RABGAP1L: variants seen among roughly 807,000 people sequenced by gnomAD.
RABGAP1L encodes the protein RAB GTPase activating protein 1 like, also known as rab GTPase-activating protein 1-like.
RABGAP1L carries 63 observed loss-of-function variants against 137.7 expected under a neutral mutation model. The ratio of observed to expected loss-of-function variants is 0.46; its 90% CI spans 0.37 to 0.56. The LOEUF (loss-of-function observed/expected upper bound fraction) is 0.56. Ranked by LOEUF, RABGAP1L falls within the 20% of genes least tolerant of loss-of-function variation. RABGAP1L has a pLI of 0.00. For synonymous variants in RABGAP1L, 431 were observed against 433.7 expected (o/e 0.99, Z 0.08); for missense variants, 1,095 against 1,244.0 (o/e 0.88, Z 1.80).
intron 13 of RABGAP1L, among the ~76,000 whole-genome samples, chr1:174,465,849 T>C (rs1169172158): frequency 6.6e-6 from 1 of 152,226 alleles, no homozygotes; most frequent in Non-Finnish European, 1.5e-5. Context: ...GATCTGCTAA[T>C]GTCCTCTGTG....
Position 174,342,099 on chromosome 1 carries a change from T to C in RABGAP1L, c.1466-28880T>C, listed in dbSNP as rs142911350. On this transcript the variant is annotated intron_variant, in intron 11 of 25. Coordinates refer to ENST00000681986, the MANE Select transcript of RABGAP1L (RefSeq NM_001366446.1). The stretch of plus-strand genomic sequence containing the variant: ...AAAAGATTGTCTAGATGCAGCATGC[T>C]AAAAGAGGGAGGTAAGAATGTTTAT... Among the ~76,000 whole-genome samples the C allele has an allele frequency of 5.6e-3, 857 of 152,256 alleles. 10 individuals are homozygous for C. The highest frequency in any genetic ancestry group is 0.019 in the African/African-American group (808 of 41,532).
At position 174,272,500 on chromosome 1, in the gene RABGAP1L, C is replaced by A. The variant is rs780221537; in HGVS notation, c.1053+20C>A. On this transcript the variant is annotated intron_variant, in intron 8 of 25. Coordinates refer to ENST00000681986, the MANE Select transcript of RABGAP1L (RefSeq NM_001366446.1). ...GATATGGTAATGATAATCTTAAGCA[C>A]CTTAACCAAGTATAGATGATAGTTA... 6.5e-7 allele frequency: 1 copy of A among 1,544,916 alleles called. No homozygotes were observed. Among genetic ancestry groups the A allele is most frequent in the South Asian group, 1.3e-5 (1 of 76,326 alleles).
At chr1:174,910,460 G>A (rs1659876575) in intron 19 of RABGAP1L, among the ~76,000 whole-genome samples, 1 of 152,144 alleles carries the variant, frequency 6.6e-6, no homozygotes, top group Non-Finnish European at 1.5e-5. Context: ...ACATTGTACT[G>A]ACTGGGAAAA....
At chr1:174,800,566 A>T (rs1019581654) in intron 18 of RABGAP1L, 2 of 1,513,304 alleles carry the variant, frequency 1.3e-6, no homozygotes, top group Non-Finnish European at 1.8e-6. Context: ...AATTCCTTGT[A>T]TCTCTGAAAG....
chr1:174,434,724 C>T (rs573365978), intron 13 of RABGAP1L, among the ~76,000 whole-genome samples: 1 of 152,212 alleles, frequency 6.6e-6, no homozygotes, highest in African/African-American at 2.4e-5. Context: ...TTGCCTTTTC[C>T]TGATGACTGT....
intron 12 of RABGAP1L, among the ~76,000 whole-genome samples, chr1:174,384,192 A>G (rs1219627543): frequency 3.3e-5 from 5 of 152,232 alleles, no homozygotes; most frequent in African/African-American, 9.6e-5. Flanking sequence ...ATACTATGTT[A>G]TTCCATTTGT....
chr1:174,302,586 T>G (rs1326200788), intron 10 of RABGAP1L, among the ~76,000 whole-genome samples: 1 of 152,210 alleles, frequency 6.6e-6, no homozygotes, highest in Non-Finnish European at 1.5e-5. Flanking sequence ...AGGCAAGAGA[T>G]AGTTTGGAGA....
At chr1:174,910,339 A>G (rs1385867527) in intron 19 of RABGAP1L, among the ~76,000 whole-genome samples, 2 of 152,214 alleles carry the variant, frequency 1.3e-5, no homozygotes, top group East Asian at 1.9e-4. Flanking sequence ...GCATCCCTTT[A>G]TGATAAAGCC....
At chr1:174,404,255 A>G (rs1648996149) in intron 13 of RABGAP1L, among the ~76,000 whole-genome samples, 2 of 152,164 alleles carry the variant, frequency 1.3e-5, no homozygotes, top group South Asian at 4.1e-4. Flanking sequence ...CAGAGGAGAG[A>G]ATATCTGAGG....
In RABGAP1L at chr1:174,787,850, G is replaced by A. The variant is rs79305758; in HGVS notation, c.2212-23982G>A. Among the ~76,000 whole-genome samples the A allele has an allele frequency of 6.8e-3, 1,041 of 152,314 alleles. 13 individuals are homozygous for A. The highest frequency in any genetic ancestry group is 0.024 in the African/African-American group (980 of 41,554). ...TAACCAAGGCTGCAACAATAGGGGT[G>A]TAGAGGGGCAAACTGAGCAGCATTT... On this transcript the variant is annotated intron_variant, in intron 18 of 25. Coordinates refer to ENST00000681986, the MANE Select transcript of RABGAP1L (RefSeq NM_001366446.1).
At chr1:174,491,835 G>A (rs770324033) in intron 13 of RABGAP1L, among the ~76,000 whole-genome samples, 1 of 152,288 alleles carries the variant, frequency 6.6e-6, no homozygotes, top group South Asian at 2.1e-4. Flanking sequence ...GCTAAGTACA[G>A]CCTGGTTCTG....
chr1:174,633,681 C>G (rs1449134629), intron 13 of RABGAP1L, among the ~76,000 whole-genome samples: 16 of 123,612 alleles, frequency 1.3e-4, no homozygotes, highest in Admixed American at 2.3e-4. Context: ...GGTACCAAAA[C>G]AGAGATATAG....
At chr1:174,334,825 T>C (rs1456254982) in intron 11 of RABGAP1L, among the ~76,000 whole-genome samples, 3 of 152,154 alleles carry the variant, frequency 2.0e-5, no homozygotes, top group African/African-American at 4.8e-5. Context: ...TCAATGAATG[T>C]TTTTCTTTTA....
chr1:174,983,089 T>C (rs11806870), intron 24 of RABGAP1L, among the ~76,000 whole-genome samples, 184 bp downstream of exon 24: 17,726 of 152,212 alleles, frequency 0.12, 3,448 homozygotes, highest in African/African-American at 0.4. Context: ...AAGGTTATGA[T>C]GCTCCCATAA....
chr1:174,327,998 T>TACATATATATAC (rs1558136354), intron 11 of RABGAP1L, among the ~76,000 whole-genome samples: 3 of 90,144 alleles, frequency 3.3e-5, no homozygotes, highest in Admixed American at 3.3e-4. Context: ...TATATATATA[T>TACATATATATAC]ATATATATAT....
intron 14 of RABGAP1L, among the ~76,000 whole-genome samples, chr1:174,667,034 G>A (rs1295598331): frequency 6.6e-6 from 1 of 150,444 alleles, no homozygotes; most frequent in Non-Finnish European, 1.5e-5. Context: ...TTTTATTAAG[G>A]AGAACTTACA....
At chr1:174,651,209 A>T (rs1419868447) in intron 14 of RABGAP1L, among the ~76,000 whole-genome samples, 10 of 151,510 alleles carry the variant, frequency 6.6e-5, no homozygotes, top group East Asian at 1.9e-4. Flanking sequence ...ACAGTTTGTT[A>T]TAATTTCTGT....
At chr1:174,601,847 C>T (rs1275370644) in intron 13 of RABGAP1L, among the ~76,000 whole-genome samples, 1 of 152,026 alleles carries the variant, frequency 6.6e-6, no homozygotes, top group Non-Finnish European at 1.5e-5. Flanking sequence ...TTCAAAGTTC[C>T]ACAAATCTCT....
intron 13 of RABGAP1L, among the ~76,000 whole-genome samples, chr1:174,550,075 TA>T (rs1666309847): frequency 6.6e-6 from 1 of 152,164 alleles, no homozygotes; most frequent in Non-Finnish European, 1.5e-5. Flanking sequence ...AATAAATTAT[TA>T]AAATTTCACA....
Sources: allele counts gnomAD v4.1 joint callset (sites outside exome capture counted in the v4.1 genomes callset), GRCh38; gene constraint gnomAD v4.1.1; transcripts MANE v1.5; gene names NCBI Gene and HGNC (gene_info 2026-07-23, HGNC 2026-07-21).